VOPP1: variants seen among roughly 807,000 people sequenced by gnomAD.
VOPP1 encodes the protein VOPP1 WW domain binding protein, also known as WW domain binding protein VOPP1.
Under a neutral mutation model 23.5 loss-of-function variants are expected in VOPP1, and 8 were observed. That is an observed-to-expected ratio of 0.34 (90% confidence interval 0.20 to 0.61). The LOEUF (loss-of-function observed/expected upper bound fraction) is 0.61, where lower values mean the gene tolerates loss of function less well. Ranked by LOEUF, VOPP1 falls within the 20% of genes least tolerant of loss-of-function variation. The pLI is 0.78. For synonymous variants in VOPP1, 83 were observed against 97.3 expected, an observed-to-expected ratio of 0.85 and a Z score of 0.86; for missense variants, 174 against 238.1, an observed-to-expected ratio of 0.73 and a Z score of 1.77.
Position 55,518,778 on chromosome 7 carries a change from G to A in VOPP1, c.113+2294C>T, listed in dbSNP as rs151186624. On this transcript the variant is annotated intron_variant, in intron 2 of 4. Coordinates refer to ENST00000285279, the MANE Select transcript of VOPP1 (RefSeq NM_030796.5). ...ACAATAAAGAAGGAAGATAAAGCCA[G>A]ACGCTCTCTTGAAAGTCTACTGTTA... Among the ~76,000 whole-genome samples the A allele has an allele frequency of 5.2e-4, 78 of 151,140 alleles. No individual in the cohort carries two copies. The East Asian group carries it at 0.014, about 27-fold the overall frequency.
At chr7:55,480,832 G>A (rs1458127726) in intron 4 of VOPP1, among the ~76,000 whole-genome samples, 1 of 152,214 alleles carries the variant, frequency 6.6e-6, no homozygotes, top group Non-Finnish European at 1.5e-5. Context: ...CTGAGTGCCA[G>A]CACTGTTCTG....
intron 1 of VOPP1, among the ~76,000 whole-genome samples, chr7:55,553,112 C>A (rs1351226620): frequency 6.6e-6 from 1 of 152,192 alleles, no homozygotes; most frequent in Non-Finnish European, 1.5e-5. Flanking sequence ...AACTTGGAAA[C>A]ATTCAAAGAG....
intron 4 of VOPP1, among the ~76,000 whole-genome samples, chr7:55,444,769 T>C (rs763355376): frequency 1.3e-5 from 2 of 152,026 alleles, no homozygotes; most frequent in African/African-American, 2.4e-5. Flanking sequence ...CAGAATTTTC[T>C]CTTAACAAAA....
At chr7:55,477,028 C>T (rs1340853758) in intron 4 of VOPP1, among the ~76,000 whole-genome samples, 1 of 152,198 alleles carries the variant, frequency 6.6e-6, no homozygotes, top group Non-Finnish European at 1.5e-5. Flanking sequence ...CAAACCGTGT[C>T]TCCTGGAATG....
At chr7:55,492,440 G>A (rs1793648956) in intron 3 of VOPP1, 22 bp from the exon 4 acceptor site, 1 of 1,593,500 alleles carries the variant, frequency 6.3e-7, no homozygotes, top group East Asian at 2.3e-5. Context: ...ACAGACGTGA[G>A]GGTGGTGCTC....
chr7:55,445,358 C>T (rs1791076706), intron 4 of VOPP1, among the ~76,000 whole-genome samples: 1 of 152,126 alleles, frequency 6.6e-6, no homozygotes, highest in Admixed American at 6.6e-5. Flanking sequence ...TACTCCTACA[C>T]ACTTCATATG....
intron 3 of VOPP1, among the ~76,000 whole-genome samples, chr7:55,494,601 T>C (rs1445767606): frequency 1.3e-5 from 2 of 152,208 alleles, no homozygotes; most frequent in African/African-American, 4.8e-5. Flanking sequence ...GAAATCATAG[T>C]CTGATAACTT....
intron 4 of VOPP1, among the ~76,000 whole-genome samples, chr7:55,479,615 A>C (rs1319817836): frequency 6.6e-6 from 1 of 152,210 alleles, no homozygotes; most frequent in African/African-American, 2.4e-5. Context: ...TTTAGCCAGA[A>C]ATTTTAGAGC....
chr7:55,491,527 C>T (rs1312893115), intron 4 of VOPP1, among the ~76,000 whole-genome samples: 1 of 152,210 alleles, frequency 6.6e-6, no homozygotes, highest in African/African-American at 2.4e-5. Flanking sequence ...AGAAGACCAG[C>T]GCTCTGATGA....
intron 1 of VOPP1, among the ~76,000 whole-genome samples, chr7:55,559,499 T>C (rs1797914987): frequency 6.6e-6 from 1 of 152,154 alleles, no homozygotes; most frequent in South Asian, 2.1e-4. Flanking sequence ...GAAGTCCAGC[T>C]CCTTTTCTGC....
intron 4 of VOPP1, among the ~76,000 whole-genome samples, chr7:55,485,424 G>A (rs899146169): frequency 6.6e-6 from 1 of 152,226 alleles, no homozygotes; most frequent in Non-Finnish European, 1.5e-5. Flanking sequence ...AGGTTGAGAA[G>A]GTAAAAGGCA....
At chr7:55,495,007 A>G (rs999531326) in intron 3 of VOPP1, among the ~76,000 whole-genome samples, 4 of 151,970 alleles carry the variant, frequency 2.6e-5, no homozygotes, top group Non-Finnish European at 5.9e-5. Flanking sequence ...ATTAGAAGTT[A>G]CCTGGTTACT....
intron 1 of VOPP1, 82 bp downstream of exon 1, chr7:55,572,189 G>A: frequency 3.3e-6 from 4 of 1,217,044 alleles, no homozygotes; most frequent in Non-Finnish European, 3.4e-6. Flanking sequence ...AAGGTCCTCT[G>A]GGGCGCCTCG....
At chr7:55,556,255 T>C (rs1486160725) in intron 1 of VOPP1, among the ~76,000 whole-genome samples, 1 of 152,154 alleles carries the variant, frequency 6.6e-6, no homozygotes, top group East Asian at 1.9e-4. Flanking sequence ...AGACAGGGGT[T>C]CAGCCCAGCA....
At chr7:55,476,654 C>T (rs372286377) in intron 4 of VOPP1, among the ~76,000 whole-genome samples, 154 of 152,268 alleles carry the variant, frequency 1.0e-3, no homozygotes, top group Non-Finnish European at 1.6e-3. Context: ...ACTCAGGGCA[C>T]GTGGGTCTCT....
At chr7:55,452,376 A>G (rs1288636339) in intron 4 of VOPP1, among the ~76,000 whole-genome samples, 1 of 152,194 alleles carries the variant, frequency 6.6e-6, no homozygotes, top group Non-Finnish European at 1.5e-5. Flanking sequence ...AAGGGGTTCA[A>G]GTCATCCATA....
At chr7:55,488,670 G>A (rs1418458595) in intron 4 of VOPP1, among the ~76,000 whole-genome samples, 1 of 151,942 alleles carries the variant, frequency 6.6e-6, no homozygotes, top group Non-Finnish European at 1.5e-5. Flanking sequence ...CCCAGAATAT[G>A]AGCCACTGCC....
At chr7:55,562,104 T>G (rs2129056372) in intron 1 of VOPP1, 1 of 702,214 alleles carries the variant, frequency 1.4e-6, no homozygotes, top group East Asian at 2.7e-5. Flanking sequence ...TGTTCGAAAC[T>G]CCCTACCTCA....
intron 4 of VOPP1, among the ~76,000 whole-genome samples, chr7:55,484,330 T>A (rs1583875184): frequency 6.6e-6 from 1 of 152,236 alleles, no homozygotes; most frequent in South Asian, 2.1e-4. Context: ...TGGAGATTCA[T>A]CCTCGTGAGC....
Sources: gnomAD v4.1 joint callset for allele counts (sites outside exome capture counted in the v4.1 genomes callset) on GRCh38, gnomAD v4.1.1 for gene constraint, MANE v1.5 for transcripts, NCBI Gene and HGNC (gene_info 2026-07-23, HGNC 2026-07-21) for gene names.